The following ADAMTS14 variants were observed in gnomAD, a reference collection of about 807,000 sequenced individuals.
The protein encoded by ADAMTS14 is A disintegrin and metalloproteinase with thrombospondin motifs 14.
A neutral mutation model predicts 128.6 loss-of-function variants in ADAMTS14; 100 were observed. The observed-to-expected ratio is 0.78, with a 90% confidence interval of 0.66 to 0.92. The LOEUF (loss-of-function observed/expected upper bound fraction) is 0.92. ADAMTS14 is among the 40% of genes least tolerant of loss of function. ADAMTS14 has a pLI of 0.00. For synonymous variants in ADAMTS14, 665 were observed against 653.8 expected (o/e 1.02, Z -0.26); for missense variants, 1,562 against 1,658.6 (o/e 0.94, Z 1.01).
chr10:70,740,217 G>A (rs754499560), intron 11 of ADAMTS14, among the ~76,000 whole-genome samples: 4 of 152,178 alleles, frequency 2.6e-5, no homozygotes, highest in Non-Finnish European at 5.9e-5. Context: ...TGTGCTAGGT[G>A]GGATGCTAAG....
chr10:70,727,524 C>T (rs992500634), intron 4 of ADAMTS14, among the ~76,000 whole-genome samples: 2 of 152,060 alleles, frequency 1.3e-5, no homozygotes, highest in African/African-American at 4.8e-5. Flanking sequence ...ATGGCATCAC[C>T]TCCCTAACCG....
At chr10:70,676,712 C>T (rs1444118500) in intron 2 of ADAMTS14, among the ~76,000 whole-genome samples, 1 of 152,250 alleles carries the variant, frequency 6.6e-6, no homozygotes, top group Non-Finnish European at 1.5e-5. Flanking sequence ...GGCTCTGCGG[C>T]TCTGTGCCAC....
chr10:70,716,682 C>T (rs1018042200), intron 4 of ADAMTS14, among the ~76,000 whole-genome samples: 1 of 152,182 alleles, frequency 6.6e-6, no homozygotes, highest in African/African-American at 2.4e-5. Flanking sequence ...CTGCTGTGAC[C>T]ATTTCTGATC....
chr10:70,741,255 C>A, intron 12 of ADAMTS14, 93 bp downstream of exon 12: 1 of 1,433,832 alleles, frequency 7.0e-7, no homozygotes, highest in Non-Finnish European at 9.5e-7. Context: ...CTACATACAC[C>A]AGTGAAGGTG....
chr10:70,705,420 G>C (rs896695022), intron 3 of ADAMTS14, among the ~76,000 whole-genome samples: 3 of 152,262 alleles, frequency 2.0e-5, no homozygotes, highest in Admixed American at 6.5e-5. Flanking sequence ...AGGGCCGCCA[G>C]CCGGGCTGGG....
At position 70,749,802 on chromosome 10, in the gene ADAMTS14, C is replaced by T. The variant is rs1589337001; in HGVS notation, c.2264-20C>T. On this transcript the variant is annotated intron_variant, in intron 15 of 21. Transcript: ENST00000373207. ...GGAGAGGAGCAGAAATCTGTGTGAC[C>T]CTCTCCCCCCACCGGTCAGTGGTGA... 1.9e-6 allele frequency: 3 copies of T among 1,611,826 alleles called. No individual in the cohort carries two copies. Among genetic ancestry groups the T allele is most frequent in the Non-Finnish European group, 2.5e-6 (3 of 1,178,654 alleles).
intron 2 of ADAMTS14, among the ~76,000 whole-genome samples, chr10:70,682,991 G>C (rs1035265990): frequency 1.2e-4 from 18 of 152,238 alleles, no homozygotes; most frequent in African/African-American, 4.3e-4. Context: ...TAGATGAGGG[G>C]ACAGCATTTG....
In ADAMTS14 at chr10:70,760,970, C is replaced by T. The variant is rs11593430; in HGVS notation, c.*117C>T. On this transcript the variant is annotated 3_prime_UTR_variant, in exon 22 of 22. Coordinates refer to ENST00000373207, the MANE Select transcript of ADAMTS14 (RefSeq NM_080722.4). ...AGCACAGACTTCATTTTAAATCATT[C>T]GCCTTCTTCTCGTTTGGGGCTGTGA... The T allele has an allele frequency of 0.047, 64,087 of 1,360,006 alleles. 1,749 individuals are homozygous for T. The highest frequency in any genetic ancestry group is 0.075 in the Middle Eastern group (345 of 4,618). The allele number at this position is 1,360,006 out of a possible 1,614,324, so 84.2% of individuals were successfully genotyped here. A position where few individuals can be genotyped will look rare whatever the true frequency, so the allele number is the denominator to read the frequency against.
In ADAMTS14 at chr10:70,708,711, A is replaced by C. The variant is rs1467737622; in HGVS notation, c.803A>C (p.Asp268Ala). The change falls in exon 4 of 22, where the codon GAC becomes GCC. Residue 268 changes from aspartate (D) to alanine (A), a missense_variant. Transcript: ENST00000373207. ...SYSIEVLLVV[D>A]DSVVRFHGKE... ...AGCATCGAGGTGCTGCTGGTGGTGG[A>C]CGACTCGGTGGTTCGCTTCCATGGC... is the stretch of plus-strand genomic sequence containing the variant. 6.2e-7 allele frequency: 1 copy of C among 1,613,162 alleles called. No individual in the cohort carries two copies. The highest frequency in any genetic ancestry group is 2.2e-5 in the East Asian group (1 of 44,788).
chr10:70,736,716 A>C lies in ADAMTS14; in HGVS notation c.1522A>C (p.Ser508Arg). ...TGAGCCCTGCAAGCAGCTGTGGTGC[A>C]GCCATCCTGACAACCCGTACTTCTG... ...TFEPCKQLWCSHPDNPYFCKT... is the reference protein window; with the variant it reads ...TFEPCKQLWCRHPDNPYFCKT... The change falls in exon 10 of 22, where the codon AGC becomes CGC. Residue 508 changes from serine (S) to arginine (R), a missense_variant. Ser to Arg is a moderately radical substitution (Grantham distance 110). Transcript: ENST00000373207. 1 of 1,613,918 alleles carries C rather than the reference A, an allele frequency of 6.2e-7. No individual in the cohort carries two copies.
chr10:70,678,339 A>T (rs1021391995), intron 2 of ADAMTS14, among the ~76,000 whole-genome samples: 2 of 152,244 alleles, frequency 1.3e-5, no homozygotes, highest in Non-Finnish European at 2.9e-5. Flanking sequence ...GAAACCCACC[A>T]GTAGTTTCAG....
intron 19 of ADAMTS14, among the ~76,000 whole-genome samples, chr10:70,754,849 C>G (rs932643605): frequency 6.6e-6 from 1 of 152,156 alleles, no homozygotes; most frequent in Non-Finnish European, 1.5e-5. Flanking sequence ...GGGGAGATAG[C>G]AGTAGCGCTG....
chr10:70,687,900 T>G (rs867142876), intron 2 of ADAMTS14, among the ~76,000 whole-genome samples: 734 of 55,926 alleles, frequency 0.013, no homozygotes, highest in Middle Eastern at 0.016. Context: ...GGCACGGCTG[T>G]CCGGGCGGGG....
chr10:70,741,077 C>T lies in ADAMTS14; in HGVS notation c.1839C>T (p.Phe613=), dbSNP rs930993325. Residue 613 remains phenylalanine, a synonymous_variant, in exon 12 of 22, where the codon TTC becomes TTT. Transcript: ENST00000373207. ...SEECPGTYED[F]RAQQCAKRNS... ...AGTGCCCTGGGACCTACGAGGACTT[C>T]CGGGCCCAGCAGTGTGCCAAGCGCA... 2.2e-5 allele frequency: 35 copies of T among 1,614,002 alleles called. No individual in the cohort carries two copies. Among genetic ancestry groups the T allele is most frequent in the Non-Finnish European group, 3.0e-5 (35 of 1,179,974 alleles).
chr10:70,732,921 A>T (rs767346098), intron 7 of ADAMTS14, among the ~76,000 whole-genome samples: 3 of 152,088 alleles, frequency 2.0e-5, no homozygotes, highest in Non-Finnish European at 4.4e-5. Context: ...TTTCTTGAGC[A>T]CCTACCATGC....
chr10:70,733,569 C>T (rs990716611), intron 7 of ADAMTS14, among the ~76,000 whole-genome samples: 4 of 152,152 alleles, frequency 2.6e-5, no homozygotes, highest in African/African-American at 9.7e-5. Context: ...ACAGCTAGGA[C>T]CAGTGGCCGA....
chr10:70,707,178 C>T (rs1446061428), intron 3 of ADAMTS14, among the ~76,000 whole-genome samples: 1 of 152,146 alleles, frequency 6.6e-6, no homozygotes, highest in African/African-American at 2.4e-5. Flanking sequence ...TTATTTGTCC[C>T]CTCTACTAGG....
At chr10:70,708,488 A>G (rs1840732826) in intron 3 of ADAMTS14, 100 bp from the exon 4 acceptor site, 5 of 1,043,782 alleles carry the variant, frequency 4.8e-6, no homozygotes, top group Non-Finnish European at 6.9e-6. Flanking sequence ...AGGCAGGGAA[A>G]GGGGCACCAG....
At chr10:70,691,236 G>A (rs1409514933) in intron 2 of ADAMTS14, among the ~76,000 whole-genome samples, 1 of 144,052 alleles carries the variant, frequency 6.9e-6, no homozygotes, top group African/African-American at 2.5e-5. Flanking sequence ...GCTCACACCT[G>A]TAATCCTAGC....
Sources: allele counts gnomAD v4.1 joint callset (sites outside exome capture counted in the v4.1 genomes callset), GRCh38; gene constraint gnomAD v4.1.1; transcripts MANE v1.5; gene names NCBI Gene and HGNC (gene_info 2026-07-23, HGNC 2026-07-21).